The following RORA variants were observed in gnomAD, a reference collection of about 807,000 sequenced individuals.
RORA encodes the protein RAR related orphan receptor A.
A neutral mutation model predicts 69.5 loss-of-function variants in RORA; 7 were observed. The ratio of observed to expected loss-of-function variants is 0.10; its 90% confidence interval spans 0.06 to 0.19. The LOEUF is 0.19. RORA is among the 10% of genes least tolerant of loss of function. The pLI is 1.00. For synonymous variants in RORA, 261 were observed against 240.8 expected, an observed-to-expected ratio of 1.08 and a Z score of -0.78; for missense variants, 457 against 663.0, an observed-to-expected ratio of 0.69 and a Z score of 3.41.
chr15:61,092,222 C>T (rs575485795), intron 1 of RORA, among the ~76,000 whole-genome samples: 5 of 152,260 alleles, frequency 3.3e-5, no homozygotes, highest in Admixed American at 6.5e-5. Flanking sequence ...GAAGAAATAA[C>T]GAAGGGTGCT....
chr15:60,660,037 C>G (rs576341140), intron 2 of RORA, among the ~76,000 whole-genome samples: 1 of 152,036 alleles, frequency 6.6e-6, no homozygotes, highest in Admixed American at 6.6e-5. Context: ...TCTAAAGAAC[C>G]AATCAATATT....
chr15:60,824,043 G>A (rs889897303), intron 1 of RORA, among the ~76,000 whole-genome samples: 1 of 152,188 alleles, frequency 6.6e-6, no homozygotes, highest in African/African-American at 2.4e-5. Flanking sequence ...AAGTTAATAA[G>A]TAGTGAAGTG....
chr15:60,936,202 C>G (rs959714413), intron 1 of RORA, among the ~76,000 whole-genome samples: 1 of 152,174 alleles, frequency 6.6e-6, no homozygotes, highest in African/African-American at 2.4e-5. Flanking sequence ...TGGGGGAAGC[C>G]CTTCTTAGTA....
chr15:61,029,672 A>G (rs368311726), intron 1 of RORA, among the ~76,000 whole-genome samples: 1 of 152,170 alleles, frequency 6.6e-6, no homozygotes, highest in East Asian at 1.9e-4. Flanking sequence ...AGGGTGACAG[A>G]CTGGATCTGA....
At chr15:60,564,181 T>A (rs997246731) in intron 2 of RORA, among the ~76,000 whole-genome samples, 66 of 152,362 alleles carry the variant, frequency 4.3e-4, no homozygotes, top group African/African-American at 1.4e-3. Context: ...CACTTCTGTG[T>A]GAACTTATGC....
At chr15:60,508,324 A>G (rs1422023087) in intron 5 of RORA, among the ~76,000 whole-genome samples, 1 of 152,226 alleles carries the variant, frequency 6.6e-6, no homozygotes, top group African/African-American at 2.4e-5. Context: ...TCGATACTTC[A>G]GATGGGAAGT....
intron 5 of RORA, among the ~76,000 whole-genome samples, chr15:60,506,421 C>A (rs1306178987): frequency 6.6e-6 from 1 of 152,038 alleles, no homozygotes; most frequent in East Asian, 1.9e-4. Context: ...ACCTAGAGGC[C>A]AAAGAAGTTT....
At chr15:60,603,897 G>A (rs2068878705) in intron 2 of RORA, among the ~76,000 whole-genome samples, 1 of 152,122 alleles carries the variant, frequency 6.6e-6, no homozygotes, top group Non-Finnish European at 1.5e-5. Context: ...CACTTTGGGA[G>A]GCTGAGGTGG....
intron 1 of RORA, among the ~76,000 whole-genome samples, chr15:60,796,414 C>T (rs2072497063): frequency 6.6e-6 from 1 of 152,070 alleles, no homozygotes; most frequent in Non-Finnish European, 1.5e-5. Context: ...CTTTTCACCT[C>T]TGAAAATCTT....
Position 61,090,515 on chromosome 15 carries a change from T to C in RORA, c.166+138538A>G, listed in dbSNP as rs72739516. Among the ~76,000 whole-genome samples, 1,111 of 152,328 alleles carry C rather than the reference T, an allele frequency of 7.3e-3. 9 individuals carry two copies. The highest frequency in any genetic ancestry group is 0.011 in the Admixed American group (165 of 15,302). On this transcript the variant is annotated intron_variant, in intron 1 of 10. Coordinates refer to ENST00000335670, the MANE Select transcript of RORA (RefSeq NM_134261.3). The stretch of plus-strand genomic sequence containing the variant: ...TGCTAAAATGTACTCATTGTGTAAT[T>C]TGGGAATGCTTGCCCATTAACTCAT...
At chr15:60,939,665 G>A (rs1299916545) in intron 1 of RORA, among the ~76,000 whole-genome samples, 1 of 152,198 alleles carries the variant, frequency 6.6e-6, no homozygotes, top group Non-Finnish European at 1.5e-5. Context: ...GCTCATTATG[G>A]TGAATTATAA....
At chr15:60,506,785 G>C (rs1187491543) in intron 5 of RORA, among the ~76,000 whole-genome samples, 7 of 151,696 alleles carry the variant, frequency 4.6e-5, no homozygotes, top group Admixed American at 1.3e-4. Flanking sequence ...TCAAGAGTTC[G>C]AGACCAGCCT....
At chr15:60,924,724 T>C (rs537278228) in intron 1 of RORA, among the ~76,000 whole-genome samples, 13 of 152,256 alleles carry the variant, frequency 8.5e-5, no homozygotes, top group African/African-American at 3.1e-4. Flanking sequence ...CTGTGAACTA[T>C]AACAACCATA....
At chr15:60,862,385 A>G (rs574738001) in intron 1 of RORA, among the ~76,000 whole-genome samples, 40 of 152,370 alleles carry the variant, frequency 2.6e-4, no homozygotes, top group Non-Finnish European at 4.6e-4. Flanking sequence ...AAGAGAAAGT[A>G]AAACTAAAAT....
At chr15:60,836,847 C>T (rs1480535118) in intron 1 of RORA, among the ~76,000 whole-genome samples, 1 of 152,140 alleles carries the variant, frequency 6.6e-6, no homozygotes, top group African/African-American at 2.4e-5. Flanking sequence ...TGCCCTCCCA[C>T]CTTTACTCTC....
At chr15:60,956,635 C>T (rs144394937) in intron 1 of RORA, among the ~76,000 whole-genome samples, 3 of 152,084 alleles carry the variant, frequency 2.0e-5, no homozygotes, top group Non-Finnish European at 2.9e-5. Context: ...ATGCAAGTAA[C>T]GATAATAGCT....
At chr15:60,558,331 T>C (rs200375607) in intron 2 of RORA, 2 of 1,522,726 alleles carry the variant, frequency 1.3e-6, no homozygotes, top group Non-Finnish European at 1.8e-6. Flanking sequence ...ATAGCCTATC[T>C]CAAAAAAGCT....
intron 1 of RORA, among the ~76,000 whole-genome samples, chr15:60,826,738 C>T (rs1210581159): frequency 1.6e-5 from 2 of 127,546 alleles, no homozygotes; most frequent in African/African-American, 6.8e-5. Flanking sequence ...ATTATTCTAC[C>T]TGCTCTCTCT....
chr15:60,838,146 T>G (rs926506335), intron 1 of RORA, among the ~76,000 whole-genome samples: 2 of 152,156 alleles, frequency 1.3e-5, no homozygotes, highest in African/African-American at 4.8e-5. Context: ...GGATGAGCTG[T>G]GTTCCCTACC....
Sources: gnomAD v4.1 joint callset for allele counts (sites outside exome capture counted in the v4.1 genomes callset) on GRCh38, gnomAD v4.1.1 for gene constraint, MANE v1.5 for transcripts, NCBI Gene and HGNC (gene_info 2026-07-23, HGNC 2026-07-21) for gene names.